NYAP2: variants seen among roughly 807,000 people sequenced by gnomAD.
The protein encoded by NYAP2 is neuronal tyrosine-phosphorylated phosphoinositide-3-kinase adaptor 2.
In NYAP2, 23 loss-of-function variants were observed where a neutral mutation model predicts 50.4. The observed-to-expected ratio is 0.46, with a 90% CI of 0.33 to 0.65. The LOEUF (loss-of-function observed/expected upper bound fraction) is 0.65. Ranked by LOEUF, NYAP2 falls within the 30% of genes least tolerant of loss-of-function variation. The pLI is 0.02. For missense variants in NYAP2, 885 were observed against 861.0 expected, an observed-to-expected ratio of 1.03 and a Z score of -0.35; for synonymous variants, 394 against 365.2, an observed-to-expected ratio of 1.08 and a Z score of -0.90.
rs75946891 is a variant in NYAP2 at position 225,516,932 on chromosome 2, G to A, written c.523+3260G>A. On this transcript the variant is annotated intron_variant, in intron 4 of 6. Transcript: ENST00000636099. ...GAAAAATCAAAATATTGATTCAGTGGCATTAGAATGATTGCCATGGTAACA... is the reference window on the plus strand; with the variant it reads ...GAAAAATCAAAATATTGATTCAGTGACATTAGAATGATTGCCATGGTAACA... Among the ~76,000 whole-genome samples, 19 of 151,944 alleles carry A rather than the reference G, an allele frequency of 1.3e-4. No individual in the cohort carries two copies. In the East Asian group the frequency reaches 3.1e-3, roughly 25 times the overall value.
At chr2:225,496,662 TA>T (rs1690511232) in intron 3 of NYAP2, among the ~76,000 whole-genome samples, 2 of 152,198 alleles carry the variant, frequency 1.3e-5, no homozygotes, top group African/African-American at 4.8e-5. Flanking sequence ...CAGGCTTCAG[TA>T]AAAAGGAGAT....
In NYAP2 at chr2:225,513,680, A is replaced by C. The variant is rs1295913229; in HGVS notation, c.523+8A>C. 1 of 1,494,960 alleles carries C rather than the reference A, an allele frequency of 6.7e-7. No individual in the cohort carries two copies. The highest frequency in any genetic ancestry group is 1.4e-5 in the South Asian group (1 of 71,792). The allele number at this position is 1,494,960 out of a possible 1,614,324, so 92.6% of individuals were successfully genotyped here. On this transcript the variant is annotated splice_region_variant and intron_variant, in intron 4 of 6. Transcript: ENST00000636099. ...CCCCTGAGAGGACTGAAGGTAAAAC[A>C]CGCCATGTCCATGTCACCTAGAAAT...
intron 4 of NYAP2, among the ~76,000 whole-genome samples, chr2:225,564,221 GTC>G (rs1225125078): frequency 6.6e-6 from 1 of 151,910 alleles, no homozygotes; most frequent in African/African-American, 2.4e-5. Context: ...TCAGAGCCCT[GTC>G]TCTGAGATAA....
In NYAP2 at chr2:225,582,792, G is replaced by C; in HGVS notation, c.1375G>C (p.Ala459Pro). 1 of 1,613,890 alleles carries C rather than the reference G, an allele frequency of 6.2e-7. No individual in the cohort carries two copies. The highest frequency in any genetic ancestry group is 8.5e-7 in the Non-Finnish European group (1 of 1,179,880). The change falls in exon 5 of 7, where the codon GCT (alanine) becomes CCT (proline). Residue 459 changes from alanine (A) to proline (P), a missense_variant. Ala to Pro is a conservative substitution (Grantham distance 27). Coordinates refer to ENST00000636099, the Ensembl canonical transcript of NYAP2. This position sits in a 1 kb window ranked among gnomAD's most constrained non-coding sequence, Gnocchi z 7.0. ...CCTCAAAAGGCCTCCCCCTTACGAC[G>C]CTGTGCATTCGGGCAGCCTCTCAAG...
intron 6 of NYAP2, among the ~76,000 whole-genome samples, chr2:225,635,795 G>A (rs1268453354): frequency 1.3e-5 from 2 of 152,150 alleles, no homozygotes; most frequent in Admixed American, 6.5e-5. Context: ...TTGCTACATC[G>A]TACACAGTTA....
chr2:225,512,824 TCTCTCTC>T (rs1690848163), intron 3 of NYAP2, among the ~76,000 whole-genome samples: 1 of 53,210 alleles, frequency 1.9e-5, no homozygotes, highest in African/African-American at 9.9e-5. Flanking sequence ...TTTCTTTCTC[TCTCTCTC>T]TCTCTCTTTC....
intron 5 of NYAP2, among the ~76,000 whole-genome samples, chr2:225,610,589 G>A (rs1692864919): frequency 6.6e-6 from 1 of 152,102 alleles, no homozygotes; most frequent in Admixed American, 6.6e-5. Flanking sequence ...GAAAATTTCT[G>A]TTATACACCA....
intron 3 of NYAP2, among the ~76,000 whole-genome samples, chr2:225,501,887 G>C (rs11895226): frequency 0.023 from 3,534 of 152,240 alleles, 140 homozygotes; most frequent in African/African-American, 0.08. Flanking sequence ...TCAAATCAGA[G>C]AACACACCTG....
chr2:225,511,892 T>C (rs1028472267), intron 3 of NYAP2, among the ~76,000 whole-genome samples: 1 of 152,208 alleles, frequency 6.6e-6, no homozygotes, highest in Non-Finnish European at 1.5e-5. Flanking sequence ...TAAACTTACA[T>C]GTCTGGGAAG....
At chr2:225,443,359 G>A (rs1379401305) in intron 3 of NYAP2, among the ~76,000 whole-genome samples, 2 of 152,134 alleles carry the variant, frequency 1.3e-5, no homozygotes, top group Admixed American at 6.6e-5. Context: ...ACTTAAACAC[G>A]AGTTCCTCTT....
intron 4 of NYAP2, among the ~76,000 whole-genome samples, chr2:225,515,523 A>G (rs1164793711): frequency 6.6e-6 from 1 of 151,978 alleles, no homozygotes; most frequent in African/African-American, 2.4e-5. Flanking sequence ...CTCTTAGAGT[A>G]TTAGACATTT....
chr2:225,634,674 C>T (rs1289509133), intron 6 of NYAP2, among the ~76,000 whole-genome samples: 2 of 152,330 alleles, frequency 1.3e-5, no homozygotes, highest in East Asian at 1.9e-4. Flanking sequence ...ACCTGCAAAT[C>T]TGGATTTAAA....
intron 4 of NYAP2, among the ~76,000 whole-genome samples, chr2:225,532,651 TTC>T (rs1691277534): frequency 6.6e-6 from 1 of 152,162 alleles, no homozygotes. Flanking sequence ...TTTAGTTTAT[TTC>T]TTTCTTTAAT....
At chr2:225,679,493 G>GTTTTTTTTTTTTTTTTT in the NYAP2 span, among the ~76,000 whole-genome samples, 1 of 103,884 alleles carries the variant, frequency 9.6e-6, no homozygotes, top group Non-Finnish European at 1.8e-5. Flanking sequence ...GCTTCTAATT[G>GTTTTTTTTTTTTTTTTT]TTTTTTTTTT....
intron 3 of NYAP2, among the ~76,000 whole-genome samples, chr2:225,412,395 T>G (rs1695060981): frequency 6.6e-6 from 1 of 151,304 alleles, no homozygotes; most frequent in Non-Finnish European, 1.5e-5. Context: ...GAAAAATTAC[T>G]GTTAGAGTGT....
chr2:225,582,539 G>T lies in NYAP2; in HGVS notation c.1122G>T (p.Gln374His), dbSNP rs772165755. The change falls in exon 5 of 7, where the codon CAG becomes CAT. Residue 374 changes from glutamine (Q) to histidine (H), a missense_variant. Coordinates refer to ENST00000636099, the Ensembl canonical transcript of NYAP2. The surrounding 1 kb of genome is among the most constrained non-coding windows in gnomAD (Gnocchi z 7.0). ...TGGAAAACGTGTCTTACATGAAACA[G>T]CCAGCCGGGGCGTCGCCCTCCACGC... 5.1e-6 allele frequency: 8 copies of T among 1,567,528 alleles called. No homozygotes were observed. The South Asian group carries it at 9.4e-5, about 19-fold the overall frequency.
At chr2:225,467,374 G>A (rs1689937489) in intron 3 of NYAP2, among the ~76,000 whole-genome samples, 1 of 152,076 alleles carries the variant, frequency 6.6e-6, no homozygotes. Context: ...TTATTTTAGA[G>A]AGACAGTTAA....
At chr2:225,441,090 C>T (rs1235083011) in intron 3 of NYAP2, among the ~76,000 whole-genome samples, 1 of 152,136 alleles carries the variant, frequency 6.6e-6, no homozygotes, top group African/African-American at 2.4e-5. Context: ...TAAGTGGCAT[C>T]CTTTGGGCCC....
intron 5 of NYAP2, among the ~76,000 whole-genome samples, chr2:225,620,473 G>A (rs1043278493): frequency 7.2e-6 from 1 of 139,048 alleles, no homozygotes; most frequent in Admixed American, 7.1e-5. Context: ...GCATGCACAC[G>A]CACACGCACG....
Sources: gnomAD v4.1 joint callset for allele counts (sites outside exome capture counted in the v4.1 genomes callset) on GRCh38, gnomAD v4.1.1 for gene constraint, Gnocchi (gnomAD v3.1) non-coding constraint, MANE v1.5 for transcripts, NCBI Gene and HGNC (gene_info 2026-07-23, HGNC 2026-07-21) for gene names.